The following DPY19L3 variants were observed in gnomAD, a reference collection of about 807,000 sequenced individuals.
DPY19L3 encodes the protein dpy-19 like C-mannosyltransferase 3, also known as protein C-mannosyl-transferase DPY19L3.
Under a neutral mutation model 92.3 loss-of-function variants are expected in DPY19L3, and 51 were observed. The ratio of observed to expected loss-of-function variants is 0.55; its 90% CI spans 0.44 to 0.70. The LOEUF is 0.70. DPY19L3 is among the 30% of genes least tolerant of loss of function. The pLI, the probability that DPY19L3 is intolerant of heterozygous loss-of-function variation, is 0.00. For missense variants in DPY19L3, 706 were observed against 855.9 expected (o/e 0.82, Z 2.18); for synonymous variants, 309 against 315.2 (o/e 0.98, Z 0.21).
chr19:32,435,125 C>A (rs1478898779), intron 4 of DPY19L3, among the ~76,000 whole-genome samples: 1 of 152,318 alleles, frequency 6.6e-6, no homozygotes. Flanking sequence ...CCTTTTGTTG[C>A]TGTGTCCTCA....
At chr19:32,430,613 CTTATTTAT>C (rs371297513) in intron 3 of DPY19L3, among the ~76,000 whole-genome samples, 12 of 151,648 alleles carry the variant, frequency 7.9e-5, no homozygotes, top group South Asian at 6.2e-4. Context: ...ATGGTTCTTT[CTTATTTAT>C]TTATTTATTT....
intron 3 of DPY19L3, among the ~76,000 whole-genome samples, chr19:32,429,283 T>C (rs1407446729): frequency 6.6e-6 from 1 of 152,264 alleles, no homozygotes. Flanking sequence ...TATTTGTTCG[T>C]TTTGCATTCT....
rs751244051 is a variant in DPY19L3, at chr19:32,408,311, C to T, written c.58C>T (p.Pro20Ser). Residue 20 changes from proline (P) to serine (S), a missense_variant, in exon 2 of 19, where the codon CCA becomes TCA. Pro to Ser is a moderately conservative substitution (Grantham distance 74). Transcript: ENST00000392250. Reference sequence around the variant, plus strand: ...AGCCACAGAAGTTTCTGAAGACTTTCCAGCCCAAGAAGAAAATGTGAAGTT... The same window carrying T: ...AGCCACAGAAGTTTCTGAAGACTTTTCAGCCCAAGAAGAAAATGTGAAGTT... ...IRATEVSEDF[P>S]AQEENVKLEN... is the part of the protein sequence containing the mutation. The T allele has an allele frequency of 6.2e-7, 1 of 1,613,744 alleles. No homozygotes were observed. Among genetic ancestry groups the T allele is most frequent in the Non-Finnish European group, 8.5e-7 (1 of 1,179,984 alleles).
intron 16 of DPY19L3, among the ~76,000 whole-genome samples, chr19:32,475,864 G>A: frequency 6.6e-6 from 1 of 152,194 alleles, no homozygotes; most frequent in East Asian, 1.9e-4. Context: ...CTCAAGTGCA[G>A]CCAAGCTCAT....
chr19:32,474,388 GC>G (rs568401904), intron 16 of DPY19L3, among the ~76,000 whole-genome samples: 345 of 152,322 alleles, frequency 2.3e-3, no homozygotes, highest in African/African-American at 7.6e-3. Flanking sequence ...CTGCCTTGGG[GC>G]TGCACCTGCT....
intron 16 of DPY19L3, among the ~76,000 whole-genome samples, chr19:32,470,414 C>G (rs761742370): frequency 7.9e-5 from 12 of 152,148 alleles, no homozygotes; most frequent in Non-Finnish European, 1.8e-4. Flanking sequence ...CCCCTGCTTT[C>G]TGGTAGCATG....
chr19:32,435,527 G>A (rs575536410), intron 4 of DPY19L3, among the ~76,000 whole-genome samples: 2 of 152,240 alleles, frequency 1.3e-5, no homozygotes, highest in Admixed American at 6.5e-5. Context: ...TGATTTTGCT[G>A]GATACTGCAA....
chr19:32,416,915 A>G (rs1017319636), intron 3 of DPY19L3, among the ~76,000 whole-genome samples: 1 of 152,088 alleles, frequency 6.6e-6, no homozygotes, highest in African/African-American at 2.4e-5. Flanking sequence ...CAAAGCCCTG[A>G]CTCTCAGGCC....
At chr19:32,417,015 A>T (rs1599591272) in intron 3 of DPY19L3, among the ~76,000 whole-genome samples, 1 of 152,240 alleles carries the variant, frequency 6.6e-6, no homozygotes, top group East Asian at 1.9e-4. Context: ...CTGCTAGCCC[A>T]GGCTTTCAGA....
At chr19:32,477,451 G>A in intron 16 of DPY19L3, 71 bp from the exon 17 acceptor site, 1 of 1,577,856 alleles carries the variant, frequency 6.3e-7, no homozygotes, top group Non-Finnish European at 8.7e-7. Context: ...GAAAAAGTTT[G>A]ATATTGTCTT....
intron 3 of DPY19L3, among the ~76,000 whole-genome samples, chr19:32,414,172 G>A (rs1037608199): frequency 3.3e-5 from 5 of 152,034 alleles, no homozygotes; most frequent in African/African-American, 9.7e-5. Flanking sequence ...TTTAATGCCC[G>A]CACTTTGGGA....
At chr19:32,468,675 T>C (rs1202990639) in intron 15 of DPY19L3, 56 bp from the exon 16 acceptor site, 5 of 1,592,636 alleles carry the variant, frequency 3.1e-6, no homozygotes, top group Non-Finnish European at 4.3e-6. Flanking sequence ...ATCTTAGTGA[T>C]AGTTGTGGGT....
At chr19:32,432,505 A>G (rs1050424207) in intron 3 of DPY19L3, among the ~76,000 whole-genome samples, 4 of 152,230 alleles carry the variant, frequency 2.6e-5, no homozygotes, top group East Asian at 3.9e-4. Context: ...AACATTCACT[A>G]AAGTAGAGAA....
chr19:32,453,561 G>A (rs1332523185), intron 9 of DPY19L3, among the ~76,000 whole-genome samples: 4 of 152,090 alleles, frequency 2.6e-5, no homozygotes, highest in Non-Finnish European at 5.9e-5. Flanking sequence ...ATTTAAAATT[G>A]AAGTAAAAGA....
At chr19:32,450,839 A>G (rs747036977) in intron 8 of DPY19L3, among the ~76,000 whole-genome samples, 11 of 152,196 alleles carry the variant, frequency 7.2e-5, no homozygotes, top group Non-Finnish European at 1.5e-4. Context: ...CACACTTTAA[A>G]TGGGTGAATT....
At chr19:32,445,179 C>T (rs992851487) in intron 8 of DPY19L3, among the ~76,000 whole-genome samples, 18 of 151,606 alleles carry the variant, frequency 1.2e-4, no homozygotes, top group Admixed American at 3.9e-4. Context: ...CAGTGGCTCA[C>T]GCCTGTAATC....
intron 5 of DPY19L3, among the ~76,000 whole-genome samples, chr19:32,436,952 A>G (rs900251182): frequency 2.0e-5 from 3 of 152,022 alleles, no homozygotes; most frequent in Non-Finnish European, 4.4e-5. Flanking sequence ...AAAGTTAGGT[A>G]TAAAACTTTC....
At position 32,436,442 on chromosome 19, in the gene DPY19L3, A is replaced by G. The variant is rs371744061; in HGVS notation, c.329-4A>G. ...TTTCTTCCTGACTTTTCACATATCT[A>G]TAGGTTTTCATGGCCTAATATATGA... On this transcript the variant is annotated splice_polypyrimidine_tract_variant and splice_region_variant and intron_variant, in intron 4 of 18. Coordinates refer to ENST00000392250, the MANE Select transcript of DPY19L3 (RefSeq NM_001172774.2). 9.5e-5 allele frequency: 141 copies of G among 1,487,866 alleles called. 1 individual carries two copies. In the Middle Eastern group the frequency reaches 1.3e-3, roughly 14 times the overall value. The allele number at this position is 1,487,866 out of a possible 1,614,324, so 92.2% of individuals were successfully genotyped here. A position where few individuals can be genotyped will look rare whatever the true frequency, so the allele number is the denominator to read the frequency against.
intron 6 of DPY19L3, among the ~76,000 whole-genome samples, 176 bp downstream of exon 6, chr19:32,437,515 C>T (rs143108049): frequency 7.2e-4 from 109 of 152,246 alleles, no homozygotes; most frequent in African/African-American, 2.4e-3. Flanking sequence ...GAAAGTGCTA[C>T]TTACATGTAA....
Sources: gnomAD v4.1 joint callset for allele counts (sites outside exome capture counted in the v4.1 genomes callset) on GRCh38, gnomAD v4.1.1 for gene constraint, MANE v1.5 for transcripts, NCBI Gene and HGNC (gene_info 2026-07-23, HGNC 2026-07-21) for gene names.